The following ACACA variants were observed in gnomAD, a reference collection of about 807,000 sequenced individuals.
ACACA encodes acetyl-CoA carboxylase 1.
A neutral mutation model predicts 296.1 loss-of-function variants in ACACA; 103 were observed. That is an observed-to-expected ratio of 0.35 (90% CI 0.30 to 0.41). The LOEUF is 0.41. Ranked by LOEUF, ACACA falls within the 10% of genes least tolerant of loss-of-function variation. The pLI is 1.00. For synonymous variants in ACACA, 953 were observed against 1,038.6 expected (o/e 0.92, Z 1.58); for missense variants, 1,554 against 2,989.7 (o/e 0.52, Z 11.20).
Position 37,121,338 on chromosome 17 carries a change from A to C in ACACA, c.6274+17T>G. The C allele has an allele frequency of 6.2e-7, 1 of 1,613,946 alleles. No homozygotes were observed. The highest frequency in any genetic ancestry group is 8.5e-7 in the Non-Finnish European group (1 of 1,179,934). On this transcript the variant is annotated intron_variant, in intron 50 of 55. Transcript: ENST00000616317. ...GTAATCAGTGATGCCCCTCCAGCCC[A>C]CAGGCAGCCCAGTCACCTTTCATTC...
chr17:37,284,988 C>A lies in ACACA; in HGVS notation c.339-18G>T. On this transcript the variant is annotated intron_variant, in intron 3 of 55. Coordinates refer to ENST00000616317, the MANE Select transcript of ACACA (RefSeq NM_198834.3). ...TGCTGGACCTATAAAAATACAGAAG[C>A]CATAAAAACACCACCTATATTTTCT... The A allele has an allele frequency of 1.2e-6, 2 of 1,614,040 alleles. No homozygotes were observed. Among genetic ancestry groups the A allele is most frequent in the Non-Finnish European group, 1.7e-6 (2 of 1,179,994 alleles).
chr17:37,259,780 T>C (rs2081363305), intron 11 of ACACA, among the ~76,000 whole-genome samples: 1 of 151,894 alleles, frequency 6.6e-6, no homozygotes, highest in Non-Finnish European at 1.5e-5. Flanking sequence ...CATAAATGCA[T>C]GCAGACAAAA....
chr17:37,259,690 C>A (rs1308300616), intron 11 of ACACA, among the ~76,000 whole-genome samples, 160 bp from the exon 12 acceptor site: 6 of 152,018 alleles, frequency 3.9e-5, no homozygotes, highest in Non-Finnish European at 5.9e-5. Flanking sequence ...TATCCCTGGA[C>A]AAGGATGAAA....
In ACACA at chr17:37,244,684, T is replaced by C. The variant is rs766074317; in HGVS notation, c.2646A>G (p.Arg882=). The change falls in exon 21 of 56, where the codon AGA becomes AGG. Residue 882 remains arginine (R), a synonymous_variant. Coordinates refer to ENST00000616317, the MANE Select transcript of ACACA (RefSeq NM_198834.3). The part of the protein sequence containing the change: ...SLPRIQSTAL[R]GEKLHRVFHY... ...GGAACACTCGATGGAGTTTCTCGCC[T>C]CTGAGTGCCGTGCTCTGGATCCGTG... 3.7e-6 allele frequency: 6 copies of C among 1,614,206 alleles called. No homozygotes were observed. Among genetic ancestry groups the C allele is most frequent in the Non-Finnish European group, 5.1e-6 (6 of 1,180,032 alleles).
chr17:37,209,559 A>T (rs956200788), intron 30 of ACACA, among the ~76,000 whole-genome samples: 16 of 152,206 alleles, frequency 1.1e-4, no homozygotes, highest in African/African-American at 3.9e-4. Context: ...CCACTCACCA[A>T]GGGAAGACTA....
intron 3 of ACACA, among the ~76,000 whole-genome samples, chr17:37,286,103 TG>T (rs1226271828): frequency 6.6e-6 from 1 of 152,180 alleles, no homozygotes; most frequent in Admixed American, 6.5e-5. Context: ...TTGACCAGGC[TG>T]GTCTCGAACT....
intron 3 of ACACA, among the ~76,000 whole-genome samples, chr17:37,325,579 CTTTTT>C (rs1156553256): frequency 1.2e-4 from 8 of 67,926 alleles, no homozygotes; most frequent in South Asian, 6.5e-4. Context: ...TCTTTTCTTT[CTTTTT>C]TTTTTTTTTT....
intron 3 of ACACA, among the ~76,000 whole-genome samples, chr17:37,310,367 A>G (rs1373845072): frequency 2.0e-5 from 3 of 152,362 alleles, no homozygotes; most frequent in East Asian, 1.9e-4. Flanking sequence ...TTTAATGTCT[A>G]TAAGACATTC....
intron 29 of ACACA, among the ~76,000 whole-genome samples, chr17:37,214,785 G>A (rs528833249): frequency 2.0e-5 from 3 of 152,168 alleles, no homozygotes; most frequent in African/African-American, 7.2e-5. Context: ...CTGAATGAAG[G>A]AAGCAAGCAC....
chr17:37,378,006 CA>C, intron 1 of ACACA: 2 of 1,573,392 alleles, frequency 1.3e-6, no homozygotes, highest in Non-Finnish European at 8.7e-7. Flanking sequence ...ATTGCCATTC[CA>C]AAAAATTTTT....
At chr17:37,366,937 A>C (rs1178039121) in intron 1 of ACACA, 3 of 151,990 alleles carry the variant, frequency 2.0e-5, no homozygotes, top group Non-Finnish European at 2.9e-5. Flanking sequence ...AAAGTACAAA[A>C]ATTACCTGGG....
At chr17:37,161,449 G>A (rs1273930557) in intron 42 of ACACA, among the ~76,000 whole-genome samples, 1 of 152,164 alleles carries the variant, frequency 6.6e-6, no homozygotes, top group Non-Finnish European at 1.5e-5. Context: ...GTTGATAATT[G>A]ACCGTAAGTC....
At chr17:37,277,683 C>G (rs968619598) in intron 6 of ACACA, among the ~76,000 whole-genome samples, 11 of 152,182 alleles carry the variant, frequency 7.2e-5, no homozygotes, top group African/African-American at 2.7e-4. Context: ...AAAGATGCTT[C>G]CAAACCTTCT....
chr17:37,101,539 A>C (rs1461368415), intron 52 of ACACA, among the ~76,000 whole-genome samples: 2 of 152,236 alleles, frequency 1.3e-5, no homozygotes, highest in African/African-American at 4.8e-5. Context: ...TGACAGAGCC[A>C]AGACTCAAAT....
At position 37,085,308 on chromosome 17, in the gene ACACA, G is replaced by T; in HGVS notation, c.*2008C>A. 1 of 270,720 alleles carries T rather than the reference G, an allele frequency of 3.7e-6. No homozygotes were observed. The allele number at this position is 270,720 out of a possible 1,614,324, so 16.8% of individuals were successfully genotyped here. On this transcript the variant is annotated 3_prime_UTR_variant, in exon 56 of 56. Transcript: ENST00000616317. ...GTAAGGAGCTCTGGGGATGGGGGAGGAGGCATTACAGGGTTCTAGAGAGGA... is the reference window on the plus strand; with the variant it reads ...GTAAGGAGCTCTGGGGATGGGGGAGTAGGCATTACAGGGTTCTAGAGAGGA...
At chr17:37,258,541 T>C (rs2146206755) in intron 12 of ACACA, among the ~76,000 whole-genome samples, 168 bp from the exon 13 acceptor site, 1 of 152,320 alleles carries the variant, frequency 6.6e-6, no homozygotes, top group South Asian at 2.1e-4. Context: ...TGAAATACAA[T>C]ATATCACTAC....
chr17:37,090,941 A>G (rs1426756209), intron 54 of ACACA, among the ~76,000 whole-genome samples: 2 of 152,018 alleles, frequency 1.3e-5, no homozygotes, highest in African/African-American at 4.8e-5. Flanking sequence ...AAAAACCCCA[A>G]GATTTTTAGA....
intron 1 of ACACA, among the ~76,000 whole-genome samples, chr17:37,349,468 TTACATATA>T (rs1251851460): frequency 6.7e-6 from 1 of 148,290 alleles, no homozygotes; most frequent in Admixed American, 6.8e-5. Flanking sequence ...CATATATATT[TTACATATA>T]TACGTATATA....
At chr17:37,199,769 G>A (rs2078162306) in intron 35 of ACACA, among the ~76,000 whole-genome samples, 1 of 151,212 alleles carries the variant, frequency 6.6e-6, no homozygotes, top group African/African-American at 2.4e-5. Flanking sequence ...CTGGATAAAT[G>A]CTTATGTTCA....
Sources: gnomAD v4.1 joint callset for allele counts (sites outside exome capture counted in the v4.1 genomes callset) on GRCh38, gnomAD v4.1.1 for gene constraint, MANE v1.5 for transcripts, NCBI Gene and HGNC (gene_info 2026-07-23, HGNC 2026-07-21) for gene names.